Variants in DOP1B observed in about 807,000 individuals in gnomAD.
DOP1B encodes the protein DOP1 leucine zipper like protein B, also known as protein DOP1B.
Under a neutral mutation model 233.5 loss-of-function variants are expected in DOP1B, and 174 were observed. The observed-to-expected ratio is 0.75, with a 90% CI of 0.66 to 0.85. The LOEUF (loss-of-function observed/expected upper bound fraction) is 0.85. Among genes scored for constraint, DOP1B ranks in the 40% least tolerant of loss-of-function variants. The pLI is 0.00. For missense variants in DOP1B, 2,652 were observed against 2,846.6 expected (o/e 0.93, Z 1.56); for synonymous variants, 1,190 against 1,185.6 (o/e 1.00, Z -0.08).
rs1405120931 is a variant in DOP1B at position 36,250,743 on chromosome 21, TC to T, written c.4999-417del. On this transcript the variant is annotated intron_variant, in intron 21 of 36. Coordinates refer to ENST00000691173, the MANE Select transcript of DOP1B (RefSeq NM_001320714.2). ...AACTTTCCTAATGAATATAAGCCCT[TC>T]CGCAGCAGATGGAGTCAGGCTGAGG... Among the ~76,000 whole-genome samples, 3 of 152,244 alleles carry T rather than the reference TC, an allele frequency of 2.0e-5. No individual in the cohort carries two copies. In the South Asian group the frequency reaches 6.2e-4, roughly 31 times the overall value.
chr21:36,257,370 C>T (rs932362700), intron 23 of DOP1B, among the ~76,000 whole-genome samples: 3 of 152,190 alleles, frequency 2.0e-5, no homozygotes, highest in Non-Finnish European at 4.4e-5. Context: ...ATACTTAATA[C>T]AGTGACTGGG....
At chr21:36,161,064 A>G (rs2065864600) in intron 1 of DOP1B, among the ~76,000 whole-genome samples, 1 of 152,170 alleles carries the variant, frequency 6.6e-6, no homozygotes, top group African/African-American at 2.4e-5. Context: ...TAAAGGGGCT[A>G]CTTTCTGAGA....
intron 27 of DOP1B, among the ~76,000 whole-genome samples, chr21:36,272,262 A>T (rs2067297136): frequency 6.6e-6 from 1 of 150,994 alleles, no homozygotes; most frequent in African/African-American, 2.4e-5. Context: ...CCAAGGTGAG[A>T]GGATGGCTTG....
At chr21:36,248,301 C>T (rs1046411528) in intron 20 of DOP1B, 79 bp from the exon 21 acceptor site, 18 of 1,499,438 alleles carry the variant, frequency 1.2e-5, no homozygotes, top group East Asian at 4.5e-5. Flanking sequence ...GACCTAATCC[C>T]GCTAGCACTG....
chr21:36,179,867 G>A (rs1186786508), intron 2 of DOP1B, among the ~76,000 whole-genome samples: 1 of 152,264 alleles, frequency 6.6e-6, no homozygotes, highest in Middle Eastern at 3.4e-3. Context: ...CTTTACGCAC[G>A]TGGCTATTTT....
chr21:36,289,382 T>C (rs1379477602), intron 35 of DOP1B, among the ~76,000 whole-genome samples, 176 bp downstream of exon 35: 2 of 152,186 alleles, frequency 1.3e-5, no homozygotes, highest in South Asian at 2.1e-4. Context: ...TCTGTGGCTC[T>C]GCAAATTTGG....
chr21:36,247,270 A>T (rs1319642586), intron 19 of DOP1B, among the ~76,000 whole-genome samples: 1 of 152,234 alleles, frequency 6.6e-6, no homozygotes, highest in Non-Finnish European at 1.5e-5. Flanking sequence ...GCAAAACAGA[A>T]ATAAAAATGT....
At chr21:36,276,872 A>T (rs7279450) in intron 27 of DOP1B, 149 bp from the exon 28 acceptor site, 238,576 of 639,130 alleles carry the variant, frequency 0.37, 47,296 homozygotes, top group Middle Eastern at 0.41. Context: ...AAAAGCTGAA[A>T]GTTAACAGAG....
At chr21:36,289,874 TCGC>T (rs1361059562) in intron 35 of DOP1B, among the ~76,000 whole-genome samples, 1 of 152,132 alleles carries the variant, frequency 6.6e-6, no homozygotes, top group Non-Finnish European at 1.5e-5. Context: ...AGATCAGTGG[TCGC>T]CAGGGGTTGG....
intron 2 of DOP1B, among the ~76,000 whole-genome samples, chr21:36,188,984 TATAAC>T (rs1403264869): frequency 2.0e-5 from 3 of 152,192 alleles, no homozygotes; most frequent in Non-Finnish European, 4.4e-5. Flanking sequence ...GTAAAATACA[TATAAC>T]ATAAAATTTA....
chr21:36,274,212 A>T (rs1458993124), intron 27 of DOP1B, among the ~76,000 whole-genome samples: 1 of 152,136 alleles, frequency 6.6e-6, no homozygotes, highest in Non-Finnish European at 1.5e-5. Context: ...TACAGTGTGT[A>T]TTGGATGAGC....
chr21:36,263,799 C>T lies in DOP1B; in HGVS notation c.5472C>T (p.Asp1824=), dbSNP rs770099706. The T allele has an allele frequency of 5.6e-6, 9 of 1,614,038 alleles. No individual in the cohort carries two copies. Among genetic ancestry groups the T allele is most frequent in the Middle Eastern group, 1.6e-4 (1 of 6,084 alleles). ...CTCCCAACCTGGAAAACAAGAAGGA[C>T]CAAAAAGACCTGCAGGTTTGTATAT... ...TRTPNLENKK[D]QKDLQEITQK... The change falls in exon 26 of 37, where the codon GAC becomes GAT. Residue 1824 remains aspartate (D), a synonymous_variant. Transcript: ENST00000691173.
chr21:36,179,014 A>C (rs1025882665), intron 2 of DOP1B, among the ~76,000 whole-genome samples: 5 of 151,992 alleles, frequency 3.3e-5, no homozygotes, highest in Admixed American at 2.0e-4. Context: ...GTCACCATAG[A>C]TTTGTTTGCA....
chr21:36,289,028 T>G lies in DOP1B; in HGVS notation c.6354-17T>G. On this transcript the variant is annotated splice_polypyrimidine_tract_variant and intron_variant, in intron 34 of 36. Transcript: ENST00000691173. ...TCTGAATGAATTTATAACAAGCGTT[T>G]CTTTGCAAATTTATAGAAGCACCAA... 1 of 1,609,912 alleles carries G rather than the reference T, an allele frequency of 6.2e-7. No homozygotes were observed. The highest frequency in any genetic ancestry group is 8.5e-7 in the Non-Finnish European group (1 of 1,178,512).
chr21:36,232,678 G>A (rs2239570), intron 14 of DOP1B, 126 bp from the exon 15 acceptor site: 549,416 of 1,280,992 alleles, frequency 0.43, 122,753 homozygotes, highest in South Asian at 0.5. Context: ...GGAGGTTAGC[G>A]CACTGCTGTC....
rs61750836 is a variant in DOP1B, at chr21:36,230,962, C to T, written c.2178C>T (p.Asn726=). 5.0e-3 allele frequency: 8,015 copies of T among 1,614,102 alleles called. 24 individuals are homozygous for T. The highest frequency in any genetic ancestry group is 6.3e-3 in the Non-Finnish European group (7,410 of 1,180,010). The change falls in exon 14 of 37, where the codon AAC becomes AAT. Residue 726 remains asparagine, a synonymous_variant. Coordinates refer to ENST00000691173, the MANE Select transcript of DOP1B (RefSeq NM_001320714.2). ...SSSPSSPARK[N]GGEWDVEKVV... is the part of the protein sequence containing the mutation. ...CGCCCAGCAGCCCTGCCAGGAAAAA[C>T]GGGGGAGAATGGGATGTTGAGAAGG...
chr21:36,214,343 T>G, intron 8 of DOP1B, 99 bp from the exon 9 acceptor site: 2 of 1,359,686 alleles, frequency 1.5e-6, no homozygotes, highest in Non-Finnish European at 2.0e-6. Context: ...TGACTGGTTT[T>G]CCTTCTGTCC....
In DOP1B at chr21:36,207,979, A is replaced by T. The variant is rs1377524753; in HGVS notation, c.492-736A>T. 2.6e-5 allele frequency among the ~76,000 whole-genome samples: 4 copies of T among 152,320 alleles called. No individual in the cohort carries two copies. The South Asian group carries it at 8.3e-4, about 32-fold the overall frequency. On this transcript the variant is annotated intron_variant, in intron 4 of 36. Transcript: ENST00000691173. ...TCAGGGGAAAAACGAGCCCTGATCC[A>T]CTGGTGACGCTGCTTCTCTTAAAAG...
chr21:36,248,969 G>A (rs2067001659), intron 21 of DOP1B, among the ~76,000 whole-genome samples: 1 of 151,640 alleles, frequency 6.6e-6, no homozygotes, highest in Non-Finnish European at 1.5e-5. Context: ...GCCAGGTGTG[G>A]TAGCACGTGT....
Sources: gnomAD v4.1 joint callset for allele counts (sites outside exome capture counted in the v4.1 genomes callset) on GRCh38, gnomAD v4.1.1 for gene constraint, MANE v1.5 for transcripts, NCBI Gene and HGNC (gene_info 2026-07-23, HGNC 2026-07-21) for gene names.